The following DCC variants were observed in gnomAD, a reference collection of about 807,000 sequenced individuals.
DCC encodes netrin receptor DCC.
A neutral mutation model predicts 172.5 loss-of-function variants in DCC; 58 were observed. The ratio of observed to expected loss-of-function variants is 0.34; its 90% confidence interval spans 0.27 to 0.42. DCC has a LOEUF of 0.42. Ranked by LOEUF, DCC falls within the 10% of genes least tolerant of loss-of-function variation. DCC has a pLI of 1.00. For synonymous variants in DCC, 709 were observed against 644.5 expected, an observed-to-expected ratio of 1.10 and a Z score of -1.52; for missense variants, 1,740 against 1,791.0, an observed-to-expected ratio of 0.97 and a Z score of 0.51.
intron 8 of DCC, among the ~76,000 whole-genome samples, chr18:53,166,902 G>A (rs2054930501): frequency 6.6e-6 from 1 of 152,076 alleles, no homozygotes; most frequent in Non-Finnish European, 1.5e-5. Context: ...TGTGACATTT[G>A]GGTGGTTATC....
At chr18:53,445,452 G>A (rs1599158957) in intron 22 of DCC, among the ~76,000 whole-genome samples, 1 of 152,238 alleles carries the variant, frequency 6.6e-6, no homozygotes, top group East Asian at 1.9e-4. Context: ...AGCTATTGGG[G>A]CACAGCCATT....
intron 23 of DCC, among the ~76,000 whole-genome samples, chr18:53,453,617 C>T (rs1245497077): frequency 6.6e-6 from 1 of 152,072 alleles, no homozygotes; most frequent in Non-Finnish European, 1.5e-5. Context: ...ATTAGGCTAT[C>T]CAGTTGATTC....
At chr18:52,813,287 C>A (rs895893618) in intron 2 of DCC, among the ~76,000 whole-genome samples, 1 of 111,760 alleles carries the variant, frequency 8.9e-6, no homozygotes. Context: ...AAAGAATTTG[C>A]TAGAATTTGC....
chr18:52,362,669 A>C (rs183662809), intron 1 of DCC, among the ~76,000 whole-genome samples: 128 of 152,310 alleles, frequency 8.4e-4, no homozygotes, highest in African/African-American at 2.9e-3. Flanking sequence ...GGAACCTTAA[A>C]AAAATAGAAC....
At chr18:52,834,353 C>T (rs559766559) in intron 2 of DCC, among the ~76,000 whole-genome samples, 4 of 152,188 alleles carry the variant, frequency 2.6e-5, no homozygotes, top group Non-Finnish European at 4.4e-5. Context: ...AGACCAGAAA[C>T]CTTAGCATTG....
At chr18:53,487,177 C>A (rs1003486681) in intron 26 of DCC, among the ~76,000 whole-genome samples, 1 of 152,104 alleles carries the variant, frequency 6.6e-6, no homozygotes, top group Non-Finnish European at 1.5e-5. Context: ...ACTGACAATA[C>A]AAGGGGAAGT....
chr18:52,397,171 C>T (rs6650679), intron 1 of DCC, among the ~76,000 whole-genome samples: 2 of 152,002 alleles, frequency 1.3e-5, no homozygotes, highest in African/African-American at 4.8e-5. Context: ...ATCAAAATTA[C>T]GTGGGGAGCA....
At chr18:52,883,386 G>A (rs1162548460) in intron 2 of DCC, among the ~76,000 whole-genome samples, 2 of 86,414 alleles carry the variant, frequency 2.3e-5, no homozygotes, top group Non-Finnish European at 5.6e-5. Flanking sequence ...GTGTGTGTGT[G>A]TGTGTGAGAT....
At chr18:52,644,539 A>G (rs35413895) in intron 1 of DCC, among the ~76,000 whole-genome samples, 4,658 of 144,878 alleles carry the variant, frequency 0.032, 124 homozygotes, top group Admixed American at 0.084. Flanking sequence ...AGATTGCGCC[A>G]CCGTACTCCA....
At chr18:53,280,578 C>T (rs770870316) in intron 12 of DCC, among the ~76,000 whole-genome samples, 2 of 152,026 alleles carry the variant, frequency 1.3e-5, no homozygotes, top group African/African-American at 2.4e-5. Flanking sequence ...CTGTTTTATT[C>T]ATACTCTTGC....
chr18:53,107,230 A>G (rs1212077241), intron 7 of DCC, among the ~76,000 whole-genome samples: 1 of 151,858 alleles, frequency 6.6e-6, no homozygotes, highest in East Asian at 1.9e-4. Context: ...TCTAAGATTG[A>G]GTAGAGATCA....
chr18:52,677,837 G>A lies in DCC; in HGVS notation c.92-74217G>A, dbSNP rs140143094. Among the ~76,000 whole-genome samples the A allele has an allele frequency of 2.7e-4, 41 of 152,224 alleles. No homozygotes were observed. The East Asian group carries it at 6.8e-3, about 25-fold the overall frequency. On this transcript the variant is annotated intron_variant, in intron 1 of 28. Transcript: ENST00000442544. ...GAGTGTCTCAAAAGGCTGGCTTCTC[G>A]TTGAGCAAGTATATTAATACTTTTT...
chr18:52,647,541 GC>G (rs1223491096), intron 1 of DCC, among the ~76,000 whole-genome samples: 1 of 152,302 alleles, frequency 6.6e-6, no homozygotes, highest in African/African-American at 2.4e-5. Flanking sequence ...GGAATCCCAT[GC>G]TAGGTGGGCC....
At chr18:52,551,292 G>A (rs1264488244) in intron 1 of DCC, among the ~76,000 whole-genome samples, 1 of 151,862 alleles carries the variant, frequency 6.6e-6, no homozygotes, top group African/African-American at 2.4e-5. Context: ...AAAAGAAAAA[G>A]GTAGCAAGGT....
intron 1 of DCC, among the ~76,000 whole-genome samples, chr18:52,667,783 G>T (rs1425209120): frequency 6.6e-6 from 1 of 152,136 alleles, no homozygotes; most frequent in Non-Finnish European, 1.5e-5. Flanking sequence ...AAGAAAGAAA[G>T]TAAAAGAAAT....
At chr18:53,513,786 A>C (rs1445082531) in intron 27 of DCC, among the ~76,000 whole-genome samples, 1 of 149,470 alleles carries the variant, frequency 6.7e-6, no homozygotes, top group African/African-American at 2.5e-5. Context: ...ATATGCACCC[A>C]ATACAGGAGC....
At chr18:53,042,106 G>C (rs2042176421) in intron 5 of DCC, among the ~76,000 whole-genome samples, 1 of 151,944 alleles carries the variant, frequency 6.6e-6, no homozygotes, top group Non-Finnish European at 1.5e-5. Context: ...AATGCTTCCA[G>C]CTTTTGCCCA....
At chr18:53,498,939 T>C (rs181808438) in intron 26 of DCC, among the ~76,000 whole-genome samples, 1 of 152,328 alleles carries the variant, frequency 6.6e-6, no homozygotes, top group East Asian at 1.9e-4. Context: ...TTTGGTACAT[T>C]GAATTTCACT....
chr18:53,186,059 G>T (rs752317568), intron 9 of DCC, among the ~76,000 whole-genome samples: 1 of 152,184 alleles, frequency 6.6e-6, no homozygotes, highest in Non-Finnish European at 1.5e-5. Context: ...TATCGTAAGT[G>T]TAATTTCCCT....
Sources: gnomAD v4.1 joint callset for allele counts (sites outside exome capture counted in the v4.1 genomes callset) on GRCh38, gnomAD v4.1.1 for gene constraint, MANE v1.5 for transcripts, NCBI Gene and HGNC (gene_info 2026-07-23, HGNC 2026-07-21) for gene names.